Variants in HECW2 observed in about 807,000 individuals in gnomAD.
HECW2 encodes the protein E3 ubiquitin-protein ligase HECW2.
In HECW2, 61 loss-of-function variants were observed where a neutral mutation model predicts 175.2. The observed-to-expected ratio is 0.35, with a 90% confidence interval of 0.28 to 0.43. The LOEUF is 0.43. Among genes scored for constraint, HECW2 ranks in the 20% least tolerant of loss-of-function variants. The pLI, the probability that HECW2 is intolerant of heterozygous loss-of-function variation, is 1.00. For synonymous variants in HECW2, 671 were observed against 731.0 expected (o/e 0.92, Z 1.32); for missense variants, 1,524 against 2,000.5 (o/e 0.76, Z 4.54).
At chr2:196,318,504 T>C in intron 9 of HECW2, 48 bp downstream of exon 9, 1 of 1,422,376 alleles carries the variant, frequency 7.0e-7, no homozygotes, top group Non-Finnish European at 9.2e-7. Flanking sequence ...AACTTCTCTC[T>C]GCACAGCTAC....
intron 1 of HECW2, among the ~76,000 whole-genome samples, chr2:196,520,298 A>G (rs182640345): frequency 5.0e-4 from 76 of 151,624 alleles, no homozygotes; most frequent in Non-Finnish European, 8.5e-4. Context: ...TGAGCATGGT[A>G]GACTGTGCCA....
intron 1 of HECW2, among the ~76,000 whole-genome samples, chr2:196,468,183 T>C (rs1697040397): frequency 6.6e-6 from 1 of 152,142 alleles, no homozygotes; most frequent in Admixed American, 6.5e-5. Flanking sequence ...TTAGTAGAGA[T>C]AGGGTTTTGC....
At chr2:196,553,845 T>C (rs1689690523) in intron 1 of HECW2, among the ~76,000 whole-genome samples, 1 of 151,558 alleles carries the variant, frequency 6.6e-6, no homozygotes, top group South Asian at 2.1e-4. Flanking sequence ...CAATCAGTAA[T>C]ATCCAATCCA....
chr2:196,424,508 G>A (rs1477827083), intron 2 of HECW2, among the ~76,000 whole-genome samples: 11 of 152,098 alleles, frequency 7.2e-5, no homozygotes, highest in Non-Finnish European at 7.4e-5. Flanking sequence ...CAAAGGAAAC[G>A]TTCTTGAAGG....
At chr2:196,556,020 C>T (rs1363654102) in intron 1 of HECW2, among the ~76,000 whole-genome samples, 1 of 152,188 alleles carries the variant, frequency 6.6e-6, no homozygotes, top group African/African-American at 2.4e-5. Flanking sequence ...CCTCCCAGAC[C>T]TCCCCAAGCA....
intron 1 of HECW2, among the ~76,000 whole-genome samples, chr2:196,471,748 A>T (rs1387049652): frequency 1.3e-5 from 2 of 152,138 alleles, no homozygotes; most frequent in Non-Finnish European, 2.9e-5. Context: ...TCTCACTTAC[A>T]AGTAGGGGCT....
chr2:196,504,537 C>T (rs1479611794), intron 1 of HECW2, among the ~76,000 whole-genome samples: 1 of 152,108 alleles, frequency 6.6e-6, no homozygotes, highest in African/African-American at 2.4e-5. Context: ...CTCTATCTAT[C>T]CACCATGCAA....
chr2:196,240,930 GA>G (rs1171301995), intron 20 of HECW2, among the ~76,000 whole-genome samples: 1 of 151,970 alleles, frequency 6.6e-6, no homozygotes, highest in Non-Finnish European at 1.5e-5. Context: ...ACAACTCTAT[GA>G]GGCAATGTTT....
At chr2:196,588,863 T>C (rs1691080653) in intron 1 of HECW2, among the ~76,000 whole-genome samples, 1 of 152,166 alleles carries the variant, frequency 6.6e-6, no homozygotes, top group South Asian at 2.1e-4. Context: ...CTCAAAAGTG[T>C]CCTTGTCTGG....
At chr2:196,257,225 T>C (rs1475729765) in intron 18 of HECW2, among the ~76,000 whole-genome samples, 1 of 152,162 alleles carries the variant, frequency 6.6e-6, no homozygotes, top group Admixed American at 6.5e-5. Context: ...GCCAGTTTCC[T>C]TTCTAAACTA....
intron 1 of HECW2, among the ~76,000 whole-genome samples, chr2:196,521,185 G>C (rs1473314499): frequency 2.0e-5 from 3 of 148,724 alleles, no homozygotes; most frequent in African/African-American, 5.0e-5. Flanking sequence ...CTAGAAAGTA[G>C]TGAGACCAGC....
intron 2 of HECW2, among the ~76,000 whole-genome samples, chr2:196,352,770 G>A (rs572056125): frequency 6.6e-6 from 1 of 152,126 alleles, no homozygotes; most frequent in Admixed American, 6.5e-5. Flanking sequence ...TAAACTATTT[G>A]ATTAAACACT....
intron 1 of HECW2, among the ~76,000 whole-genome samples, chr2:196,496,307 A>G (rs1039892549): frequency 1.3e-5 from 2 of 152,130 alleles, no homozygotes; most frequent in Admixed American, 6.6e-5. Context: ...CCTAAGACTC[A>G]GCATATTTGT....
intron 2 of HECW2, among the ~76,000 whole-genome samples, chr2:196,390,618 T>C (rs892214393): frequency 3.3e-5 from 5 of 152,204 alleles, no homozygotes; most frequent in Non-Finnish European, 7.4e-5. Flanking sequence ...GTACTGTGAC[T>C]GCATGTTTAG....
At chr2:196,227,045 G>A (rs373273709) in intron 22 of HECW2, among the ~76,000 whole-genome samples, 1 of 152,228 alleles carries the variant, frequency 6.6e-6, no homozygotes, top group Non-Finnish European at 1.5e-5. Context: ...CGTACAGTAA[G>A]TTTGTAATTT....
At position 196,455,583 on chromosome 2, in the gene HECW2, A is replaced by G. The variant is rs931949637; in HGVS notation, c.-35-22125T>C. 3.3e-5 allele frequency among the ~76,000 whole-genome samples: 5 copies of G among 152,284 alleles called. No homozygotes were observed. In the East Asian group the frequency reaches 7.7e-4, roughly 23 times the overall value. The stretch of plus-strand genomic sequence containing the variant: ...TTGTAATTCAGACAACTTTTTCCAT[A>G]TAGTTTTCTTATAAACAGTCCTTTA... On this transcript the variant is annotated intron_variant, in intron 1 of 28. Coordinates refer to ENST00000644978, the MANE Select transcript of HECW2 (RefSeq NM_001348768.2).
At chr2:196,460,301 A>G (rs1166190435) in intron 1 of HECW2, among the ~76,000 whole-genome samples, 1 of 152,208 alleles carries the variant, frequency 6.6e-6, no homozygotes, top group Non-Finnish European at 1.5e-5. Context: ...AGTTAACAGA[A>G]GAGAGGCATT....
chr2:196,333,537 T>C (rs957560240), intron 4 of HECW2, among the ~76,000 whole-genome samples: 4 of 152,256 alleles, frequency 2.6e-5, no homozygotes, highest in Non-Finnish European at 5.9e-5. Flanking sequence ...ACATACAATG[T>C]TGTAAAGATT....
chr2:196,317,548 G>T (rs1354210661), intron 9 of HECW2, among the ~76,000 whole-genome samples, 179 bp from the exon 10 acceptor site: 1 of 152,102 alleles, frequency 6.6e-6, no homozygotes, highest in Non-Finnish European at 1.5e-5. Context: ...TTAGAAGAGG[G>T]CTTCCTGAAG....
Sources: allele counts gnomAD v4.1 joint callset (sites outside exome capture counted in the v4.1 genomes callset), GRCh38; gene constraint gnomAD v4.1.1; transcripts MANE v1.5; gene names NCBI Gene and HGNC (gene_info 2026-07-23, HGNC 2026-07-21).